The following CADM2 variants were observed in gnomAD, a reference collection of about 807,000 sequenced individuals.
The protein encoded by CADM2 is cell adhesion molecule 2, also known as immunoglobulin superfamily member 4D.
A neutral mutation model predicts 49.8 loss-of-function variants in CADM2; 12 were observed. The observed-to-expected ratio is 0.24, with a 90% CI of 0.15 to 0.39. The LOEUF is 0.39. CADM2 is among the 10% of genes least tolerant of loss of function. CADM2 has a pLI of 1.00. For missense variants in CADM2, 378 were observed against 492.3 expected, an observed-to-expected ratio of 0.77 and a Z score of 2.20; for synonymous variants, 214 against 175.4, an observed-to-expected ratio of 1.22 and a Z score of -1.74.
At chr3:85,284,541 C>T (rs753139545) in intron 1 of CADM2, among the ~76,000 whole-genome samples, 1 of 152,082 alleles carries the variant, frequency 6.6e-6, no homozygotes, top group Non-Finnish European at 1.5e-5. Flanking sequence ...GAGATTGTCA[C>T]ATCTAAGCAA....
chr3:85,870,330 T>C (rs76875121), intron 3 of CADM2, among the ~76,000 whole-genome samples: 3,919 of 152,056 alleles, frequency 0.026, 159 homozygotes, highest in African/African-American at 0.087. Context: ...TGGAGATTTG[T>C]TGTACTAATT....
intron 1 of CADM2, among the ~76,000 whole-genome samples, chr3:85,230,103 C>T (rs1380827889): frequency 1.3e-5 from 2 of 152,088 alleles, no homozygotes; most frequent in Admixed American, 6.6e-5. Context: ...AAGATTCTCC[C>T]CTCCCTGGGC....
At position 85,724,214 on chromosome 3, in the gene CADM2, G is replaced by T. The variant is rs1307144976; in HGVS notation, c.62-2308G>T. Among the ~76,000 whole-genome samples the T allele has an allele frequency of 2.0e-5, 3 of 152,072 alleles. No homozygotes were observed. The East Asian group carries it at 5.8e-4, about 29-fold the overall frequency. On this transcript the variant is annotated intron_variant, in intron 1 of 9. Coordinates refer to ENST00000383699, the MANE Select transcript of CADM2 (RefSeq NM_001167675.2). ...TCAGTTGTTTGAAATAGTAGATTCTGTGCTTTACTTTCTCTCTTCCTTTTT... is the reference window on the plus strand; with the variant it reads ...TCAGTTGTTTGAAATAGTAGATTCTTTGCTTTACTTTCTCTCTTCCTTTTT...
chr3:85,481,982 T>C (rs2039233390), intron 1 of CADM2, among the ~76,000 whole-genome samples: 1 of 151,770 alleles, frequency 6.6e-6, no homozygotes, highest in Admixed American at 6.6e-5. Flanking sequence ...GTGTATGCTG[T>C]TCTCCTTCCT....
chr3:85,984,347 C>T (rs770314418), intron 8 of CADM2, among the ~76,000 whole-genome samples: 3 of 151,048 alleles, frequency 2.0e-5, no homozygotes, highest in Admixed American at 6.6e-5. Context: ...AATTTAATAA[C>T]GTTCTCATTT....
intron 1 of CADM2, among the ~76,000 whole-genome samples, chr3:85,622,976 A>T (rs756571006): frequency 6.6e-6 from 1 of 152,142 alleles, no homozygotes; most frequent in Non-Finnish European, 1.5e-5. Context: ...CTCTTTCAAT[A>T]GGTGAGTATC....
chr3:85,947,184 C>A (rs1192987943), intron 7 of CADM2, among the ~76,000 whole-genome samples: 2 of 151,886 alleles, frequency 1.3e-5, no homozygotes, highest in Non-Finnish European at 2.9e-5. Context: ...AGCCAAAAGA[C>A]ACATGAAAAA....
chr3:85,841,228 G>A (rs1393840968), intron 3 of CADM2, among the ~76,000 whole-genome samples: 1 of 151,680 alleles, frequency 6.6e-6, no homozygotes, highest in Non-Finnish European at 1.5e-5. Context: ...GTATCCTTTA[G>A]GTGAATATTT....
At chr3:85,247,924 A>G (rs2042686571) in intron 1 of CADM2, among the ~76,000 whole-genome samples, 1 of 151,996 alleles carries the variant, frequency 6.6e-6, no homozygotes, top group Admixed American at 6.6e-5. Flanking sequence ...AATATATATG[A>G]ATAATTTATC....
chr3:85,638,222 C>A lies in CADM2; in HGVS notation c.62-88300C>A, dbSNP rs542650143. Among the ~76,000 whole-genome samples the A allele has an allele frequency of 1.8e-4, 28 of 152,204 alleles. No homozygotes were observed. The South Asian group carries it at 5.8e-3, about 31-fold the overall frequency. On this transcript the variant is annotated intron_variant, in intron 1 of 9. Transcript: ENST00000383699. ...AGAAGATTGCAATTTGAAGGGAAAGCTATAATTTAAACATCTATATGAAAT... is the reference window on the plus strand; with the variant it reads ...AGAAGATTGCAATTTGAAGGGAAAGATATAATTTAAACATCTATATGAAAT...
intron 1 of CADM2, among the ~76,000 whole-genome samples, chr3:85,620,905 G>T (rs2063955347): frequency 6.6e-6 from 1 of 152,038 alleles, no homozygotes; most frequent in South Asian, 2.1e-4. Flanking sequence ...TTATATGACA[G>T]TCAATTTTTT....
At chr3:85,411,067 A>G (rs2035634083) in intron 1 of CADM2, among the ~76,000 whole-genome samples, 1 of 152,232 alleles carries the variant, frequency 6.6e-6, no homozygotes, top group African/African-American at 2.4e-5. Flanking sequence ...ACTCTGAAGT[A>G]CAAAAATGCA....
intron 1 of CADM2, among the ~76,000 whole-genome samples, chr3:85,043,197 T>C (rs561217087): frequency 1.3e-5 from 2 of 152,230 alleles, no homozygotes; most frequent in South Asian, 4.1e-4. Context: ...TCTCGTCTCA[T>C]GCAGGGAAGG....
At chr3:85,634,888 A>AT (rs33955039) in intron 1 of CADM2, among the ~76,000 whole-genome samples, 10 of 151,864 alleles carry the variant, frequency 6.6e-5, no homozygotes, top group South Asian at 4.1e-4. Context: ...CAGAAAATTA[A>AT]TTTTTTTTAA....
At chr3:85,031,152 C>G (rs2034960546) in intron 1 of CADM2, among the ~76,000 whole-genome samples, 1 of 152,180 alleles carries the variant, frequency 6.6e-6, no homozygotes, top group Non-Finnish European at 1.5e-5. Context: ...CACTGGCCCA[C>G]TCACAGATGT....
intron 3 of CADM2, among the ~76,000 whole-genome samples, chr3:85,881,127 T>C (rs1404653002): frequency 6.6e-6 from 1 of 152,122 alleles, no homozygotes; most frequent in Non-Finnish European, 1.5e-5. Context: ...ATTGGGTGAA[T>C]TCTATTTCTC....
At chr3:85,638,147 C>T (rs924613465) in intron 1 of CADM2, among the ~76,000 whole-genome samples, 1 of 152,084 alleles carries the variant, frequency 6.6e-6, no homozygotes, top group Admixed American at 6.5e-5. Context: ...GTAGATATTA[C>T]AGATGTCTCC....
intron 8 of CADM2, among the ~76,000 whole-genome samples, chr3:86,046,157 G>A (rs146958535): frequency 7.2e-5 from 11 of 152,080 alleles, no homozygotes; most frequent in East Asian, 3.9e-4. Context: ...ATACCATAAC[G>A]TGCTGTATTT....
At chr3:85,274,860 T>C (rs543398473) in intron 1 of CADM2, among the ~76,000 whole-genome samples, 1 of 151,406 alleles carries the variant, frequency 6.6e-6, no homozygotes, top group Admixed American at 6.6e-5. Context: ...GTTAGGGGAA[T>C]TGAGAAGGAG....
Sources: gnomAD v4.1 joint callset for allele counts (sites outside exome capture counted in the v4.1 genomes callset) on GRCh38, gnomAD v4.1.1 for gene constraint, MANE v1.5 for transcripts, NCBI Gene and HGNC (gene_info 2026-07-23, HGNC 2026-07-21) for gene names.